The following AGAP1 variants were observed in gnomAD, a reference collection of about 807,000 sequenced individuals.
AGAP1 encodes the protein arf-GAP with GTPase, ANK repeat and PH domain-containing protein 1.
AGAP1 carries 29 observed loss-of-function variants against 105.3 expected under a neutral mutation model. That is an observed-to-expected ratio of 0.28 (90% CI 0.21 to 0.38). The LOEUF (loss-of-function observed/expected upper bound fraction) is 0.38, where lower values mean the gene tolerates loss of function less well. Ranked by LOEUF, AGAP1 falls within the 10% of genes least tolerant of loss-of-function variation. The pLI is 1.00. For missense variants in AGAP1, 998 were observed against 1,165.1 expected, an observed-to-expected ratio of 0.86 and a Z score of 2.09; for synonymous variants, 509 against 485.9, an observed-to-expected ratio of 1.05 and a Z score of -0.63.
intron 1 of AGAP1, among the ~76,000 whole-genome samples, chr2:235,699,078 C>A (rs375000348): frequency 3.3e-5 from 5 of 151,488 alleles, no homozygotes; most frequent in South Asian, 2.1e-4. Context: ...ATCCCCCCCC[C>A]CCACCCCACC....
rs2149897360 is a variant in AGAP1, at chr2:235,777,065, AGAC to A, written c.674-20693_674-20691del. 1 of 471,184 alleles carries A rather than the reference AGAC, an allele frequency of 2.1e-6. No individual in the cohort carries two copies. Among genetic ancestry groups the A allele is most frequent in the East Asian group, 7.0e-5 (1 of 14,388 alleles). The allele number at this position is 471,184 out of a possible 1,614,324, so 29.2% of individuals were successfully genotyped here. A position where few individuals can be genotyped will look rare whatever the true frequency, so the allele number is the denominator to read the frequency against. On this transcript the variant is annotated intron_variant, in intron 6 of 17. Transcript: ENST00000304032. This position sits in a 1 kb window ranked among gnomAD's most constrained non-coding sequence, Gnocchi z 5.1. ...TCCTGCAGAGAAACGAGGAAGTATT[AGAC>A]AGAAGTGATGCTGGGCGCGGTGGCT...
intron 1 of AGAP1, among the ~76,000 whole-genome samples, chr2:235,617,002 G>A (rs1315705368): frequency 6.6e-6 from 1 of 151,404 alleles, no homozygotes; most frequent in Non-Finnish European, 1.5e-5. Flanking sequence ...AAAAGTCAAA[G>A]TCACATCAGC....
At chr2:235,522,765 T>C (rs1942670965) in intron 1 of AGAP1, among the ~76,000 whole-genome samples, 1 of 152,206 alleles carries the variant, frequency 6.6e-6, no homozygotes, top group African/African-American at 2.4e-5. Context: ...TGCCTGAGCC[T>C]GTTTTCTCTG....
rs576707423 is a variant in AGAP1, at chr2:235,917,217, C to T, written c.1324+8311C>T. ...AGCGGTTTCGAAATATTAAAGCCTT[C>T]AGGAGGGTTGAAGCTGATTTTCCAG... On this transcript the variant is annotated intron_variant, in intron 11 of 17. Coordinates refer to ENST00000304032, the MANE Select transcript of AGAP1 (RefSeq NM_001037131.3). Among the ~76,000 whole-genome samples the T allele has an allele frequency of 1.9e-4, 29 of 152,134 alleles. No homozygotes were observed. In the South Asian group the frequency reaches 5.8e-3, roughly 31 times the overall value.
rs1292113661 is a variant in AGAP1, at chr2:235,866,727, C to G, written c.1051-16618C>G. The stretch of plus-strand genomic sequence containing the variant: ...GGAGGCTGGAAGTCTTGGATCAAGG[C>G]CTCAGTGGGATTGGCTTCTCCTGAA... On this transcript the variant is annotated intron_variant, in intron 9 of 17. Coordinates refer to ENST00000304032, the MANE Select transcript of AGAP1 (RefSeq NM_001037131.3). This position sits in a 1 kb window ranked among gnomAD's most constrained non-coding sequence, Gnocchi z 6.1. Among the ~76,000 whole-genome samples, 1 of 152,210 alleles carries G rather than the reference C, an allele frequency of 6.6e-6. No individual in the cohort carries two copies. Among genetic ancestry groups the G allele is most frequent in the Admixed American group, 6.5e-5 (1 of 15,290 alleles).
intron 1 of AGAP1, among the ~76,000 whole-genome samples, chr2:235,688,404 C>A (rs1461053623): frequency 6.6e-6 from 1 of 152,164 alleles, no homozygotes; most frequent in East Asian, 1.9e-4. Flanking sequence ...TTCATTCTCT[C>A]TGGAAGGTCA....
At chr2:235,856,255 C>T (rs2106479585) in intron 9 of AGAP1, among the ~76,000 whole-genome samples, 1 of 152,310 alleles carries the variant, frequency 6.6e-6, no homozygotes. Context: ...ATCACTGAAG[C>T]TATAGCTTCC....
intron 6 of AGAP1, chr2:235,774,369 G>A (rs1356157367): frequency 2.1e-6 from 1 of 470,752 alleles, no homozygotes; most frequent in East Asian, 6.9e-5. Context: ...ACTCACCCCT[G>A]CTTCCAGTTT....
Position 235,665,952 on chromosome 2 carries a change from G to T in AGAP1, c.164-43227G>T, listed in dbSNP as rs916819785. ...CACTTGGAAATACTATTCTCCAGGA[G>T]AATGTTTGATTTATAGGTAGCTAGA... On this transcript the variant is annotated intron_variant, in intron 1 of 17. Transcript: ENST00000304032. The surrounding 1 kb of genome is among the most constrained non-coding windows in gnomAD (Gnocchi z 5.3). Among the ~76,000 whole-genome samples the T allele has an allele frequency of 6.6e-6, 1 of 152,230 alleles. No individual in the cohort carries two copies. The highest frequency in any genetic ancestry group is 6.5e-5 in the Admixed American group (1 of 15,286).
intron 11 of AGAP1, among the ~76,000 whole-genome samples, chr2:235,922,486 T>C (rs2052231733): frequency 6.6e-6 from 1 of 152,188 alleles, no homozygotes; most frequent in South Asian, 2.1e-4. Context: ...TTAAATGCTT[T>C]GGTGAAGTTA....
Position 235,729,729 on chromosome 2 carries a change from G to A in AGAP1, c.311-11234G>A, listed in dbSNP as rs1458064744. 6.6e-6 allele frequency among the ~76,000 whole-genome samples: 1 copy of A among 152,100 alleles called. No individual in the cohort carries two copies. The highest frequency in any genetic ancestry group is 1.5e-5 in the Non-Finnish European group (1 of 68,020). On this transcript the variant is annotated intron_variant, in intron 3 of 17. Transcript: ENST00000304032. This position sits in a 1 kb window ranked among gnomAD's most constrained non-coding sequence, Gnocchi z 5.0. ...AAATGCGTTTTCCAGAGTCCCCAGA[G>A]AAAAAGGAGTCTGGCAGTTAGAAGA... is the stretch of plus-strand genomic sequence containing the variant.
In AGAP1 at chr2:235,750,525, T is replaced by C; in HGVS notation, c.673+37T>C. 1.2e-6 allele frequency: 2 copies of C among 1,612,170 alleles called. No individual in the cohort carries two copies. Among genetic ancestry groups the C allele is most frequent in the South Asian group, 1.1e-5 (1 of 91,014 alleles). On this transcript the variant is annotated intron_variant, in intron 6 of 17. Coordinates refer to ENST00000304032, the MANE Select transcript of AGAP1 (RefSeq NM_001037131.3). This position sits in a 1 kb window ranked among gnomAD's most constrained non-coding sequence, Gnocchi z 5.3. ...TGGCTGGGAGTTTAATTTCAGTTCA[T>C]GATAGACGGGAGGCACTTCAAGAAG...
Position 235,753,367 on chromosome 2 carries a change from T to G in AGAP1, c.673+2879T>G, listed in dbSNP as rs1011667652. Among the ~76,000 whole-genome samples, 1 of 152,206 alleles carries G rather than the reference T, an allele frequency of 6.6e-6. No individual in the cohort carries two copies. Among genetic ancestry groups the G allele is most frequent in the Non-Finnish European group, 1.5e-5 (1 of 68,044 alleles). ...TCCGTTTTCATGGGCACAGGAGATTTCCGTTCCAGTTTCGTATTATAGAAA... is the reference window on the plus strand; with the variant it reads ...TCCGTTTTCATGGGCACAGGAGATTGCCGTTCCAGTTTCGTATTATAGAAA... On this transcript the variant is annotated intron_variant, in intron 6 of 17. Coordinates refer to ENST00000304032, the MANE Select transcript of AGAP1 (RefSeq NM_001037131.3). The surrounding 1 kb of genome is among the most constrained non-coding windows in gnomAD (Gnocchi z 4.5).
At chr2:235,949,943 G>A (rs753593455) in intron 12 of AGAP1, among the ~76,000 whole-genome samples, 13 of 152,188 alleles carry the variant, frequency 8.5e-5, no homozygotes, top group Non-Finnish European at 1.6e-4. Flanking sequence ...CTGGAATTTC[G>A]TGGAAGAAAC....
At chr2:235,564,294 G>C (rs1194378081) in intron 1 of AGAP1, among the ~76,000 whole-genome samples, 1 of 152,168 alleles carries the variant, frequency 6.6e-6, no homozygotes, top group Non-Finnish European at 1.5e-5. Context: ...GGAGCAGTCA[G>C]ACTCTCTGGG....
At chr2:235,651,688 A>G (rs948696167) in intron 1 of AGAP1, among the ~76,000 whole-genome samples, 1 of 152,172 alleles carries the variant, frequency 6.6e-6, no homozygotes, top group Admixed American at 6.5e-5. Context: ...CCCCGAAATA[A>G]TGATGGTGGG....
At chr2:235,693,712 A>G (rs1292241176) in intron 1 of AGAP1, among the ~76,000 whole-genome samples, 1 of 152,204 alleles carries the variant, frequency 6.6e-6, no homozygotes. Context: ...AAACATTAGA[A>G]GTAGTAGTAC....
rs371855800 is a variant in AGAP1, at chr2:235,636,823, A to G, written c.164-72356A>G. 7.2e-5 allele frequency among the ~76,000 whole-genome samples: 11 copies of G among 152,268 alleles called. No individual in the cohort carries two copies. In the East Asian group the frequency reaches 1.9e-3, roughly 27 times the overall value. ...CATGCCAGAGTGGGGTGGGCCCCTC[A>G]TCTAATATGATGGATGTCCTTCTGA... On this transcript the variant is annotated intron_variant, in intron 1 of 17. Coordinates refer to ENST00000304032, the MANE Select transcript of AGAP1 (RefSeq NM_001037131.3).
chr2:235,694,958 C>T (rs1431009953), intron 1 of AGAP1, among the ~76,000 whole-genome samples: 4 of 152,192 alleles, frequency 2.6e-5, no homozygotes, highest in Non-Finnish European at 5.9e-5. Context: ...ATGCCCAGGG[C>T]GGGTGAGAGG....
Sources: gnomAD v4.1 joint callset for allele counts (sites outside exome capture counted in the v4.1 genomes callset) on GRCh38, gnomAD v4.1.1 for gene constraint, Gnocchi (gnomAD v3.1) non-coding constraint, MANE v1.5 for transcripts, NCBI Gene and HGNC (gene_info 2026-07-23, HGNC 2026-07-21) for gene names.